The following ARHGEF4 variants were observed in gnomAD, a reference collection of about 807,000 sequenced individuals.
ARHGEF4 encodes the protein APC-stimulated guanine nucleotide exchange factor 1.
A neutral mutation model predicts 162.0 loss-of-function variants in ARHGEF4; 119 were observed. That is an observed-to-expected ratio of 0.73 (90% confidence interval 0.63 to 0.86). ARHGEF4 has a LOEUF of 0.86. ARHGEF4 is among the 40% of genes least tolerant of loss of function. The pLI, the probability that ARHGEF4 is intolerant of heterozygous loss-of-function variation, is 0.00. For synonymous variants in ARHGEF4, 1,014 were observed against 979.9 expected, an observed-to-expected ratio of 1.03 and a Z score of -0.65; for missense variants, 2,488 against 2,456.0, an observed-to-expected ratio of 1.01 and a Z score of -0.28.
intron 4 of ARHGEF4, among the ~76,000 whole-genome samples, chr2:130,986,875 G>C (rs576918310): frequency 8.1e-4 from 123 of 152,342 alleles, no homozygotes; most frequent in African/African-American, 2.9e-3. Flanking sequence ...AAGCTGCCTA[G>C]GCCCGCAGGA....
intron 1 of ARHGEF4, among the ~76,000 whole-genome samples, chr2:130,847,060 C>T (rs1284834022): frequency 3.3e-5 from 5 of 152,094 alleles, no homozygotes; most frequent in African/African-American, 2.4e-5. Context: ...TTCTGATGTG[C>T]GCGGGCTAAG....
At chr2:130,878,874 A>G (rs72855925) in intron 1 of ARHGEF4, among the ~76,000 whole-genome samples, 3,183 of 152,288 alleles carry the variant, frequency 0.021, 96 homozygotes, top group East Asian at 0.12. Flanking sequence ...CATACACATT[A>G]CTCTGGCAGT....
chr2:131,039,828 G>A, intron 6 of ARHGEF4, 188 bp from the exon 7 acceptor site: 3 of 1,410,112 alleles, frequency 2.1e-6, no homozygotes, highest in Non-Finnish European at 2.7e-6. Context: ...GCGGGCGTCG[G>A]AGTCGTCATT....
Position 130,917,336 on chromosome 2 carries a change from A to G in ARHGEF4, c.3390A>G (p.Ser1130=). Reference sequence around the variant, plus strand: ...GCTACAGCTACGTGGACAGCAGTTCAGGGGACCCTGAAAGACCCAAGATTC... The same window carrying G: ...GCTACAGCTACGTGGACAGCAGTTCGGGGGACCCTGAAAGACCCAAGATTC... ...LGSYSYVDSS[S]GDPERPKIPK... Residue 1130 remains serine, a synonymous_variant, in exon 2 of 14, where the codon TCA becomes TCG. Coordinates refer to ENST00000409359, the MANE Select transcript of ARHGEF4 (RefSeq NM_001367493.1). The G allele has an allele frequency of 6.4e-7, 1 of 1,550,560 alleles. No individual in the cohort carries two copies. Among genetic ancestry groups the G allele is most frequent in the Non-Finnish European group, 8.7e-7 (1 of 1,146,992 alleles).
At position 130,864,181 on chromosome 2, in the gene ARHGEF4, CAAAGAAAG is replaced by C. The variant is rs545281360; in HGVS notation, c.39+27205_39+27212del. On this transcript the variant is annotated intron_variant, in intron 1 of 13. Coordinates refer to ENST00000409359, the MANE Select transcript of ARHGEF4 (RefSeq NM_001367493.1). Reference sequence around the variant, plus strand: ...AGCCTGGGCGACAGAGACTCTGTCTCAAAGAAAGAAAGAAAGAAAGAAAAAAAAAAAAA... The same window carrying C: ...AGCCTGGGCGACAGAGACTCTGTCTCAAAGAAAGAAAGAAAAAAAAAAAAA... Among the ~76,000 whole-genome samples, 40 of 136,442 alleles carry C rather than the reference CAAAGAAAG, an allele frequency of 2.9e-4. No homozygotes were observed. The South Asian group carries it at 3.3e-3, about 11-fold the overall frequency. The allele number at this position is 136,442 out of a possible 152,430, so 89.5% of individuals were successfully genotyped here.
intron 3 of ARHGEF4, among the ~76,000 whole-genome samples, chr2:130,943,236 A>G (rs1430994052): frequency 6.6e-6 from 1 of 152,134 alleles, no homozygotes; most frequent in African/African-American, 2.4e-5. Context: ...CTTGCTCTGA[A>G]ATTGGTTTTG....
intron 5 of ARHGEF4, chr2:131,035,316 G>A (rs2105388780): frequency 1.7e-6 from 2 of 1,179,466 alleles, no homozygotes; most frequent in Non-Finnish European, 2.1e-6. Flanking sequence ...CGGCACTCCA[G>A]CCGTTGCCAC....
intron 1 of ARHGEF4, among the ~76,000 whole-genome samples, chr2:130,898,822 A>T (rs1680313351): frequency 6.6e-6 from 1 of 152,122 alleles, no homozygotes; most frequent in South Asian, 2.1e-4. Flanking sequence ...CGCACAGCTG[A>T]TGGAGCCAGT....
chr2:130,972,115 G>T (rs1244588089), intron 4 of ARHGEF4, among the ~76,000 whole-genome samples: 1 of 151,740 alleles, frequency 6.6e-6, no homozygotes, highest in Non-Finnish European at 1.5e-5. Flanking sequence ...GCCTCGGGTT[G>T]TATAACTAAT....
In ARHGEF4 at chr2:130,875,391, A is replaced by G. The variant is rs12620475; in HGVS notation, c.39+38399A>G. 2.8e-3 allele frequency among the ~76,000 whole-genome samples: 433 copies of G among 152,266 alleles called. 7 individuals are homozygous for G. In the East Asian group the frequency reaches 0.072, roughly 25 times the overall value. ...TACCTGAGACTGGGTAATCTTTAAA[A>G]AGGTTTATTTTGGTTGATGGTTCTG... On this transcript the variant is annotated intron_variant, in intron 1 of 13. Transcript: ENST00000409359.
At chr2:130,954,591 T>G (rs1684156846) in intron 4 of ARHGEF4, among the ~76,000 whole-genome samples, 1 of 152,210 alleles carries the variant, frequency 6.6e-6, no homozygotes, top group Non-Finnish European at 1.5e-5. Context: ...TTTAGCACAT[T>G]TAACACACTA....
intron 4 of ARHGEF4, chr2:131,011,913 G>A (rs759061792): frequency 8.5e-5 from 60 of 702,440 alleles, no homozygotes; most frequent in Middle Eastern, 5.1e-4. Flanking sequence ...CTGGAGGTAC[G>A]TGGTGGACAG....
At chr2:130,869,803 C>T (rs953201365) in intron 1 of ARHGEF4, among the ~76,000 whole-genome samples, 3 of 152,202 alleles carry the variant, frequency 2.0e-5, no homozygotes, top group African/African-American at 7.2e-5. Flanking sequence ...CACCTGAAAC[C>T]CTGAAAGGAA....
chr2:130,925,035 A>AGTGTGT (rs55986926), intron 2 of ARHGEF4, among the ~76,000 whole-genome samples: 1,926 of 137,926 alleles, frequency 0.014, 22 homozygotes, highest in Non-Finnish European at 0.023. Flanking sequence ...AGGAGTTCTA[A>AGTGTGT]GTGTGTGTGT....
intron 4 of ARHGEF4, among the ~76,000 whole-genome samples, chr2:130,982,548 T>C (rs1686187906): frequency 6.6e-6 from 1 of 152,008 alleles, no homozygotes; most frequent in African/African-American, 2.4e-5. Context: ...TTTTCTTCCT[T>C]CTTTTTTCGC....
At position 131,001,302 on chromosome 2, in the gene ARHGEF4, CAAAAAAA is replaced by C. The variant is rs70994730; in HGVS notation, c.3986-26623_3986-26617del. 9.3e-4 allele frequency among the ~76,000 whole-genome samples: 29 copies of C among 31,158 alleles called. No individual in the cohort carries two copies. The East Asian group carries it at 0.014, about 15-fold the overall frequency. The allele number at this position is 31,158 out of a possible 152,430, so 20.4% of individuals were successfully genotyped here. A position where few individuals can be genotyped will look rare whatever the true frequency, so the allele number is the denominator to read the frequency against. On this transcript the variant is annotated intron_variant, in intron 4 of 13. Coordinates refer to ENST00000409359, the MANE Select transcript of ARHGEF4 (RefSeq NM_001367493.1). ...TGGGCGACAGAGTGAGACTGTGTCT[CAAAAAAA>C]AAAAAAAAAAAAAAAAAAACAGAAA...
Position 130,914,466 on chromosome 2 carries a change from C to A in ARHGEF4, c.520C>A (p.Leu174Met), listed in dbSNP as rs946309044. The change falls in exon 2 of 14, where the codon CTG (leucine) becomes ATG (methionine). Residue 174 changes from leucine to methionine, a missense_variant. Physicochemically the swap from Leu to Met is conservative, Grantham distance 15. Transcript: ENST00000409359. ...CATSLERESL[L>M]AGVPRHTGCC... ...GACCAGCCTGGAGCGAGAGTCTTTGCTGGCAGGGGTTCCCCGACACACAGG... is the reference window on the plus strand; with the variant it reads ...GACCAGCCTGGAGCGAGAGTCTTTGATGGCAGGGGTTCCCCGACACACAGG... 5.7e-5 allele frequency: 82 copies of A among 1,433,522 alleles called. No homozygotes were observed. Among genetic ancestry groups the A allele is most frequent in the Non-Finnish European group, 7.1e-5 (78 of 1,099,680 alleles). The allele number at this position is 1,433,522 out of a possible 1,614,324, so 88.8% of individuals were successfully genotyped here. A position where few individuals can be genotyped will look rare whatever the true frequency, so the allele number is the denominator to read the frequency against.
At chr2:130,865,039 G>A (rs748208997) in intron 1 of ARHGEF4, among the ~76,000 whole-genome samples, 21 of 152,230 alleles carry the variant, frequency 1.4e-4, no homozygotes, top group Non-Finnish European at 2.5e-4. Context: ...GGTGATGCAA[G>A]TGAGAGGTCA....
At chr2:131,013,923 T>C (rs1235197701) in intron 4 of ARHGEF4, among the ~76,000 whole-genome samples, 1 of 152,248 alleles carries the variant, frequency 6.6e-6, no homozygotes, top group Non-Finnish European at 1.5e-5. Flanking sequence ...AATAACTAGC[T>C]CAGCTATAAT....
Sources: allele counts gnomAD v4.1 joint callset (sites outside exome capture counted in the v4.1 genomes callset), GRCh38; gene constraint gnomAD v4.1.1; transcripts MANE v1.5; gene names NCBI Gene and HGNC (gene_info 2026-07-23, HGNC 2026-07-21).